CEP85L: variants seen among roughly 807,000 people sequenced by gnomAD.
The protein encoded by CEP85L is centrosomal protein 85L, also known as centrosomal protein of 85 kDa-like.
Under a neutral mutation model 100.3 loss-of-function variants are expected in CEP85L, and 60 were observed. That is an observed-to-expected ratio of 0.60 (90% CI 0.49 to 0.74). The LOEUF is 0.74. CEP85L is among the 30% of genes least tolerant of loss of function. The probability of loss-of-function intolerance (pLI) is 0.00; values close to 1 mark genes in which losing one functional copy is unlikely to be tolerated. For synonymous variants in CEP85L, 319 were observed against 322.7 expected (o/e 0.99, Z 0.12); for missense variants, 973 against 936.2 (o/e 1.04, Z -0.51).
At chr6:118,656,006 A>G (rs1775775636), upstream of CEP85L, among the ~76,000 whole-genome samples, 1 of 152,250 alleles carries the variant, frequency 6.6e-6, no homozygotes, top group Non-Finnish European at 1.5e-5. Flanking sequence ...ATGCTGTGAA[A>G]TAAAAATTAG....
intron 2 of CEP85L, among the ~76,000 whole-genome samples, chr6:118,624,088 T>C (rs899621092): frequency 2.6e-5 from 4 of 152,186 alleles, no homozygotes; most frequent in East Asian, 1.9e-4. Context: ...TTGATACACC[T>C]GTGACCCACT....
chr6:118,485,233 G>C (rs544853804), intron 6 of CEP85L, among the ~76,000 whole-genome samples: 3 of 152,180 alleles, frequency 2.0e-5, no homozygotes, highest in African/African-American at 7.2e-5. Flanking sequence ...AAAACTTACA[G>C]GGTTCTAAAA....
intron 1 of CEP85L, among the ~76,000 whole-genome samples, chr6:118,675,530 C>G (rs1776455174): frequency 6.6e-6 from 1 of 151,336 alleles, no homozygotes; most frequent in African/African-American, 2.4e-5. Flanking sequence ...TTAAAAATTA[C>G]ATTTTAAAAT....
intron 1 of CEP85L, among the ~76,000 whole-genome samples, chr6:118,660,942 A>G (rs1334609109): frequency 6.6e-6 from 1 of 151,944 alleles, no homozygotes; most frequent in East Asian, 1.9e-4. Flanking sequence ...CTGGAGTACA[A>G]TGGCATGATC....
chr6:118,503,679 A>AG (rs1335497966), intron 5 of CEP85L, among the ~76,000 whole-genome samples: 3 of 152,078 alleles, frequency 2.0e-5, no homozygotes, highest in Non-Finnish European at 4.4e-5. Flanking sequence ...AATGCAATAC[A>AG]GGGGAAAAAA....
chr6:118,475,888 T>C (rs1773331262), intron 10 of CEP85L, among the ~76,000 whole-genome samples: 1 of 152,160 alleles, frequency 6.6e-6, no homozygotes, highest in Non-Finnish European at 1.5e-5. Flanking sequence ...CTAAATGCTC[T>C]AGTTTTACTG....
chr6:118,568,148 T>C lies in CEP85L; in HGVS notation c.233-1832A>G, dbSNP rs1275731015. Among the ~76,000 whole-genome samples the C allele has an allele frequency of 2.0e-5, 3 of 152,204 alleles. No homozygotes were observed. In the East Asian group the frequency reaches 5.8e-4, roughly 29 times the overall value. ...TACAGGCAACAGCAGAGGCATCACC[T>C]TTCCACAACAGCAGTGACAGACGTG... On this transcript the variant is annotated intron_variant, in intron 2 of 12. Transcript: ENST00000368491.
chr6:118,601,303 G>A (rs539140839), intron 2 of CEP85L, among the ~76,000 whole-genome samples: 7 of 152,248 alleles, frequency 4.6e-5, no homozygotes, highest in East Asian at 1.9e-4. Flanking sequence ...TTACAGAGCC[G>A]CATTTCCCAC....
Position 118,464,827 on chromosome 6 carries a change from G to A in CEP85L, c.*578C>T, listed in dbSNP as rs2114374080. 6.6e-6 allele frequency: 1 copy of A among 152,104 alleles called. No homozygotes were observed. Among genetic ancestry groups the A allele is most frequent in the Admixed American group, 6.6e-5 (1 of 15,244 alleles). The allele number at this position is 152,104 out of a possible 1,614,324, so 9.4% of individuals were successfully genotyped here. A position where few individuals can be genotyped will look rare whatever the true frequency, so the allele number is the denominator to read the frequency against. ...CAAACATCCTATCAGTGCAGTAAGT[G>A]TTCAAAATATAAATGGTTTTGCCTC... On this transcript the variant is annotated 3_prime_UTR_variant, in exon 13 of 13. Transcript: ENST00000368491.
In CEP85L at chr6:118,572,445, G is replaced by A. The variant is rs187984974; in HGVS notation, c.233-6129C>T. On this transcript the variant is annotated intron_variant, in intron 2 of 12. Coordinates refer to ENST00000368491, the MANE Select transcript of CEP85L (RefSeq NM_001042475.3). ...AAATTAGCAGGGTGTCCTGGTGGGCGCCTGTAGTCCCAGCTACTTGGGAGG... is the reference window on the plus strand; with the variant it reads ...AAATTAGCAGGGTGTCCTGGTGGGCACCTGTAGTCCCAGCTACTTGGGAGG... Among the ~76,000 whole-genome samples, 30 of 152,046 alleles carry A rather than the reference G, an allele frequency of 2.0e-4. 2 individuals carry two copies. In the East Asian group the frequency reaches 4.7e-3, roughly 24 times the overall value.
At chr6:118,669,059 A>C (rs1252407331) in intron 1 of CEP85L, among the ~76,000 whole-genome samples, 1 of 152,244 alleles carries the variant, frequency 6.6e-6, no homozygotes, top group Non-Finnish European at 1.5e-5. Context: ...AACAAAAACT[A>C]TGTTAGCAAT....
rs9489410 is a variant in CEP85L at position 118,481,928 on chromosome 6, C to G, written c.1596G>C (p.Gln532His). ...AATTCTTATTTTTTTCTTCCAGAAT[C>G]TGCAGCTAAGGAGAAATGTTTTACA... is the stretch of plus-strand genomic sequence containing the variant. ...DDVQSQSLQLQILEEKNKNLQ... is the reference protein window; with the variant it reads ...DDVQSQSLQLHILEEKNKNLQ... The change falls in exon 8 of 13, where the codon CAG becomes CAC. Residue 532 changes from glutamine to histidine, a missense_variant. This residue lies in a region of CEP85L where 890 missense variants were observed against 844.5 expected (regional missense o/e 1.05). Coordinates refer to ENST00000368491, the MANE Select transcript of CEP85L (RefSeq NM_001042475.3). 32,248 of 1,533,912 alleles carry G rather than the reference C, an allele frequency of 0.021. 450 individuals carry two copies. The highest frequency in any genetic ancestry group is 0.057 in the African/African-American group (4,000 of 70,656).
Position 118,540,931 on chromosome 6 carries a change from G to A in CEP85L, c.1021-17011C>T, listed in dbSNP as rs184365214. Among the ~76,000 whole-genome samples the A allele has an allele frequency of 2.8e-4, 42 of 152,160 alleles. No homozygotes were observed. The East Asian group carries it at 6.0e-3, about 22-fold the overall frequency. ...AGACAGTCTTCAATGGCCATACTTC[G>A]TTCTATTTTGGAAGTGTGAAGTTTC... On this transcript the variant is annotated intron_variant, in intron 3 of 12. Transcript: ENST00000368491.
intron 1 of CEP85L, among the ~76,000 whole-genome samples, chr6:118,680,392 A>C (rs1470610202): frequency 7.4e-6 from 1 of 135,110 alleles, no homozygotes; most frequent in Non-Finnish European, 1.6e-5. Flanking sequence ...AAAAATATAG[A>C]AAAGTTCAAA....
intron 2 of CEP85L, among the ~76,000 whole-genome samples, chr6:118,616,420 T>G (rs920152920): frequency 1.3e-4 from 19 of 151,680 alleles, no homozygotes; most frequent in African/African-American, 4.4e-4. Context: ...TAACCAAAGC[T>G]ACTTGGGAGG....
chr6:118,563,031 G>A (rs1030106616), intron 3 of CEP85L, among the ~76,000 whole-genome samples: 8 of 152,138 alleles, frequency 5.3e-5, no homozygotes, highest in African/African-American at 1.9e-4. Context: ...TTCCTCCTCT[G>A]TCATAGTCCC....
chr6:118,671,879 G>A (rs1417123281), intron 1 of CEP85L, among the ~76,000 whole-genome samples: 1 of 152,182 alleles, frequency 6.6e-6, no homozygotes, highest in Non-Finnish European at 1.5e-5. Flanking sequence ...GGATGTTGCA[G>A]TGAGCTGAGA....
chr6:118,644,408 AT>A (rs561673674), intron 1 of CEP85L, among the ~76,000 whole-genome samples: 85 of 151,906 alleles, frequency 5.6e-4, no homozygotes, highest in African/African-American at 2.0e-3. Flanking sequence ...TTTAAACACC[AT>A]TTATAACCAA....
intron 1 of CEP85L, among the ~76,000 whole-genome samples, chr6:118,705,584 G>T (rs1382281991): frequency 1.3e-5 from 2 of 152,190 alleles, no homozygotes; most frequent in East Asian, 1.9e-4. Context: ...GCTACTAATG[G>T]CATGGTAAGT....
Sources: gnomAD v4.1 joint callset for allele counts (sites outside exome capture counted in the v4.1 genomes callset) on GRCh38, gnomAD v4.1.1 for gene constraint, gnomAD v4.1.1 regional missense constraint, MANE v1.5 for transcripts, NCBI Gene and HGNC (gene_info 2026-07-23, HGNC 2026-07-21) for gene names.